The following NRG3 variants were observed in gnomAD, a reference collection of about 807,000 sequenced individuals.
NRG3 encodes pro-neuregulin-3, membrane-bound isoform.
NRG3 carries 31 observed loss-of-function variants against 66.9 expected under a neutral mutation model. The observed-to-expected ratio is 0.46, with a 90% CI of 0.35 to 0.63. NRG3 has a LOEUF of 0.63. Ranked by LOEUF, NRG3 falls within the 20% of genes least tolerant of loss-of-function variation. NRG3 has a pLI of 0.00. For missense variants in NRG3, 910 were observed against 878.9 expected, an observed-to-expected ratio of 1.04 and a Z score of -0.45; for synonymous variants, 393 against 359.4, an observed-to-expected ratio of 1.09 and a Z score of -1.06.
At chr10:82,135,756 T>G (rs1482624747) in intron 1 of NRG3, among the ~76,000 whole-genome samples, 4 of 152,154 alleles carry the variant, frequency 2.6e-5, no homozygotes. Context: ...TTTTCTTGAA[T>G]TTTGTCAAGC....
intron 2 of NRG3, among the ~76,000 whole-genome samples, chr10:82,727,973 G>C (rs185643678): frequency 6.6e-6 from 1 of 152,120 alleles, no homozygotes; most frequent in Non-Finnish European, 1.5e-5. Flanking sequence ...CTGGATTTTG[G>C]ACTTGCATGG....
chr10:82,789,783 T>G (rs937290990), intron 3 of NRG3, among the ~76,000 whole-genome samples: 3 of 152,106 alleles, frequency 2.0e-5, no homozygotes, highest in African/African-American at 7.2e-5. Context: ...CAGCCTTCCT[T>G]AGTATTAAAT....
chr10:82,189,151 T>C (rs2073987705), intron 1 of NRG3, among the ~76,000 whole-genome samples: 1 of 152,154 alleles, frequency 6.6e-6, no homozygotes, highest in African/African-American at 2.4e-5. Context: ...CTCCTTTTAC[T>C]CTCTGTGTCC....
Position 82,267,985 on chromosome 10 carries a change from G to A in NRG3, c.824-90754G>A, listed in dbSNP as rs539385031. Among the ~76,000 whole-genome samples the A allele has an allele frequency of 5.8e-4, 88 of 152,222 alleles. 1 individual carries two copies. In the Middle Eastern group the frequency reaches 0.01, roughly 18 times the overall value. On this transcript the variant is annotated intron_variant, in intron 1 of 8. Coordinates refer to ENST00000372141, the MANE Select transcript of NRG3 (RefSeq NM_001010848.4). ...GTAAAAAGTGTGCTACTTATAAAACGCAATTTTGGAGAAAAGATGTAGTAT... is the reference window on the plus strand; with the variant it reads ...GTAAAAAGTGTGCTACTTATAAAACACAATTTTGGAGAAAAGATGTAGTAT...
intron 2 of NRG3, among the ~76,000 whole-genome samples, chr10:82,693,020 T>C (rs899768392): frequency 5.9e-5 from 9 of 152,284 alleles, no homozygotes; most frequent in Admixed American, 1.3e-4. Context: ...CGCTACTCGA[T>C]GTCACTATAG....
intron 2 of NRG3, among the ~76,000 whole-genome samples, chr10:82,734,403 C>T (rs1476393200): frequency 6.6e-6 from 1 of 152,124 alleles, no homozygotes; most frequent in African/African-American, 2.4e-5. Flanking sequence ...GCTTTGAAAG[C>T]AATGCGGAGT....
At position 82,624,486 on chromosome 10, in the gene NRG3, G is replaced by A. The variant is rs567090962; in HGVS notation, c.954-114091G>A. On this transcript the variant is annotated intron_variant, in intron 2 of 8. Transcript: ENST00000372141. ...CCTATCTTTAATCATGAGCAATTAAGTCACAGTGGAATATCTCTTTGCCTC... is the reference window on the plus strand; with the variant it reads ...CCTATCTTTAATCATGAGCAATTAAATCACAGTGGAATATCTCTTTGCCTC... 3.9e-5 allele frequency among the ~76,000 whole-genome samples: 6 copies of A among 152,004 alleles called. No individual in the cohort carries two copies. The South Asian group carries it at 1.2e-3, about 31-fold the overall frequency.
At chr10:82,937,989 A>G (rs1329413614) in intron 4 of NRG3, among the ~76,000 whole-genome samples, 1 of 152,182 alleles carries the variant, frequency 6.6e-6, no homozygotes, top group Non-Finnish European at 1.5e-5. Flanking sequence ...ACTTAGCGCC[A>G]AAACAATATA....
intron 1 of NRG3, among the ~76,000 whole-genome samples, chr10:81,976,432 A>G (rs891263150): frequency 3.3e-5 from 5 of 152,206 alleles, no homozygotes; most frequent in Non-Finnish European, 5.9e-5. Flanking sequence ...ACTTTATGCT[A>G]GATGCTGGAA....
At chr10:82,874,436 G>GA (rs4034897) in intron 4 of NRG3, among the ~76,000 whole-genome samples, 66,961 of 139,760 alleles carry the variant, frequency 0.48, 15,558 homozygotes, top group East Asian at 0.66. Context: ...GACTTATTTG[G>GA]AAAAAAAAAA....
At chr10:82,424,094 A>G (rs961470193) in intron 2 of NRG3, among the ~76,000 whole-genome samples, 1 of 152,016 alleles carries the variant, frequency 6.6e-6, no homozygotes, top group East Asian at 1.9e-4. Flanking sequence ...TAATGCTTCT[A>G]TAGACATTTG....
intron 1 of NRG3, among the ~76,000 whole-genome samples, chr10:82,322,271 T>A (rs2081617554): frequency 6.6e-6 from 1 of 152,206 alleles, no homozygotes. Context: ...ATAAAAATAC[T>A]AGAATTAAAA....
chr10:82,120,510 G>C (rs954194815), intron 1 of NRG3, among the ~76,000 whole-genome samples: 7 of 152,122 alleles, frequency 4.6e-5, no homozygotes, highest in Admixed American at 1.3e-4. Flanking sequence ...CACAGGATAA[G>C]ATGCATGATA....
chr10:82,505,783 C>A (rs1032105418), intron 2 of NRG3, among the ~76,000 whole-genome samples: 1 of 152,192 alleles, frequency 6.6e-6, no homozygotes, highest in African/African-American at 2.4e-5. Flanking sequence ...CTTTGAAGAA[C>A]CCCTGAAGGC....
chr10:81,973,560 G>C (rs1287797811), intron 1 of NRG3, among the ~76,000 whole-genome samples: 1 of 151,960 alleles, frequency 6.6e-6, no homozygotes, highest in African/African-American at 2.4e-5. Flanking sequence ...CTGCAACCTT[G>C]ACAGCATCTG....
At chr10:82,391,806 A>T (rs2086384604) in intron 2 of NRG3, among the ~76,000 whole-genome samples, 1 of 152,092 alleles carries the variant, frequency 6.6e-6, no homozygotes, top group Admixed American at 6.5e-5. Context: ...CAGTTGAAAT[A>T]GACCTTACAT....
intron 1 of NRG3, among the ~76,000 whole-genome samples, chr10:82,148,594 A>G (rs1413940678): frequency 6.6e-6 from 1 of 152,042 alleles, no homozygotes; most frequent in Non-Finnish European, 1.5e-5. Flanking sequence ...AATCACCTGG[A>G]GTATAAAATA....
At chr10:82,646,028 G>T (rs1447650911) in intron 2 of NRG3, among the ~76,000 whole-genome samples, 1 of 152,056 alleles carries the variant, frequency 6.6e-6, no homozygotes, top group Non-Finnish European at 1.5e-5. Context: ...GGAGAATATT[G>T]AAACCATGTT....
chr10:82,964,304 G>A (rs1002259760), intron 6 of NRG3, among the ~76,000 whole-genome samples: 3 of 152,060 alleles, frequency 2.0e-5, no homozygotes, highest in South Asian at 2.1e-4. Context: ...AATAGTGAAC[G>A]GTGCTATCAG....
Sources: gnomAD v4.1 joint callset for allele counts (sites outside exome capture counted in the v4.1 genomes callset) on GRCh38, gnomAD v4.1.1 for gene constraint, MANE v1.5 for transcripts, NCBI Gene and HGNC (gene_info 2026-07-23, HGNC 2026-07-21) for gene names.